The following TPI1 variants were observed in gnomAD, a reference collection of about 807,000 sequenced individuals.
TPI1 encodes the protein triosephosphate isomerase 1.
In TPI1, 11 loss-of-function variants were observed where a neutral mutation model predicts 31.0. That is an observed-to-expected ratio of 0.36 (90% CI 0.22 to 0.59). TPI1 has a LOEUF of 0.59. Among genes scored for constraint, TPI1 ranks in the 20% least tolerant of loss-of-function variants. The pLI is 0.79. For synonymous variants in TPI1, 121 were observed against 122.8 expected, an observed-to-expected ratio of 0.99 and a Z score of 0.10; for missense variants, 245 against 319.7, an observed-to-expected ratio of 0.77 and a Z score of 1.78.
rs782539657 is a variant in TPI1, at chr12:6,868,902, G to C, written c.154G>C (p.Ala52Pro). ...CAPPTAYIDF[A>P]RQKLDPKIAV... ...TCCCCCTACTGCCTATATCGACTTC[G>C]CCCGGCAGAAGCTAGATCCCAAGAT... The change falls in exon 2 of 7, where the codon GCC (alanine) becomes CCC (proline). Residue 52 changes from alanine (A) to proline (P), a missense_variant. Coordinates refer to ENST00000396705, the MANE Select transcript of TPI1 (RefSeq NM_000365.6). 6.2e-7 allele frequency: 1 copy of C among 1,613,916 alleles called. No individual in the cohort carries two copies. Among genetic ancestry groups the C allele is most frequent in the Non-Finnish European group, 8.5e-7 (1 of 1,179,968 alleles).
chr12:6,867,504 AT>A, upstream of TPI1: 1 of 1,577,608 alleles, frequency 6.3e-7, no homozygotes, highest in Non-Finnish European at 8.6e-7. Context: ...GGCGCTCTAT[AT>A]AAGTGGGCAG....
chr12:6,869,586 C>G, intron 4 of TPI1, 102 bp from the exon 5 acceptor site: 1 of 1,475,426 alleles, frequency 6.8e-7, no homozygotes, highest in Non-Finnish European at 9.5e-7. Context: ...CCCCCAATGT[C>G]CACTAGGGGG....
rs781799706 is a variant in TPI1 at position 6,870,404 on chromosome 12, C to G, written c.*21C>G. The G allele has an allele frequency of 2.5e-6, 4 of 1,578,290 alleles. No homozygotes were observed. The African/African-American group carries it at 5.4e-5, about 21-fold the overall frequency. ...AATGAGCCCCATCCATCTTCCCTAC[C>G]CTTCCTGCCAAGCCAGGGACTAAGC... On this transcript the variant is annotated 3_prime_UTR_variant, in exon 7 of 7. Coordinates refer to ENST00000396705, the MANE Select transcript of TPI1 (RefSeq NM_000365.6).
chr12:6,869,252 C>G lies in TPI1; in HGVS notation c.325-6C>G. ...AGGATGTCTCACCAAGTCTGTTTCTCAACAGCTGATTGGGCAGAAAGTGGC... is the reference window on the plus strand; with the variant it reads ...AGGATGTCTCACCAAGTCTGTTTCTGAACAGCTGATTGGGCAGAAAGTGGC... On this transcript the variant is annotated splice_region_variant and splice_polypyrimidine_tract_variant and intron_variant, in intron 3 of 6. Coordinates refer to ENST00000396705, the MANE Select transcript of TPI1 (RefSeq NM_000365.6). The G allele has an allele frequency of 6.2e-7, 1 of 1,614,082 alleles. No individual in the cohort carries two copies. The highest frequency in any genetic ancestry group is 8.5e-7 in the Non-Finnish European group (1 of 1,179,946).
intron 1 of TPI1, among the ~76,000 whole-genome samples, 177 bp downstream of exon 1, chr12:6,867,858 C>G (rs147494826): frequency 6.6e-6 from 1 of 152,090 alleles, no homozygotes; most frequent in Middle Eastern, 3.2e-3. Context: ...GCAGCCCCGT[C>G]GGTGCGTCGA....
chr12:6,868,214 G>T, intron 1 of TPI1: 2 of 1,287,938 alleles, frequency 1.6e-6, no homozygotes, highest in Non-Finnish European at 2.0e-6. Flanking sequence ...GCCTTCCACG[G>T]AAGGGACCGA....
Position 6,870,896 on chromosome 12 carries a change from T to C in TPI1, c.*513T>C. Reference sequence around the variant, plus strand: ...TTCCTTTTTGAGGCAGCTATATAAATGATCATTTGTGCAAGAAAAAAAAAA... The same window carrying C: ...TTCCTTTTTGAGGCAGCTATATAAACGATCATTTGTGCAAGAAAAAAAAAA... On this transcript the variant is annotated 3_prime_UTR_variant, in exon 7 of 7. Transcript: ENST00000396705. 1.6e-6 allele frequency: 1 copy of C among 611,206 alleles called. No homozygotes were observed. 37.9% of individuals were successfully genotyped at this position (611,206 alleles called of 1,614,324 possible). A position where few individuals can be genotyped will look rare whatever the true frequency, so the allele number is the denominator to read the frequency against.
chr12:6,869,720 G>C lies in TPI1; in HGVS notation c.490G>C (p.Ala164Pro). Reference sequence around the variant, plus strand: ...GAAGGACTGGAGCAAGGTCGTCCTGGCCTATGAGCCTGTGTGGGCCATTGG... The same window carrying C: ...GAAGGACTGGAGCAAGGTCGTCCTGCCCTATGAGCCTGTGTGGGCCATTGG... The part of the protein sequence containing the change: ...NVKDWSKVVL[A>P]YEPVWAIGTG... Residue 164 changes from alanine (A) to proline (P), a missense_variant, in exon 5 of 7, where the codon GCC (alanine) becomes CCC (proline). Around this residue, in one of 3 missense-constraint regions of TPI1, gnomAD observed 127 missense variants for 163.7 expected, o/e 0.78. Transcript: ENST00000396705. 2 of 1,614,208 alleles carry C rather than the reference G, an allele frequency of 1.2e-6. No individual in the cohort carries two copies. Among genetic ancestry groups the C allele is most frequent in the Non-Finnish European group, 1.7e-6 (2 of 1,180,044 alleles).
At position 6,867,710 on chromosome 12, in the gene TPI1, C is replaced by CGGGCCG. The variant is rs138787695; in HGVS notation, c.115+46_115+51dup. On this transcript the variant is annotated intron_variant, in intron 1 of 6. Coordinates refer to ENST00000396705, the MANE Select transcript of TPI1 (RefSeq NM_000365.6). ...AGCCCTCGCCGAGGAGGGGTCTGGC[C>CGGGCCG]GGGCCGGGGCCGGGGCCGGGGCAGG... is the stretch of plus-strand genomic sequence containing the variant. 6.2e-3 allele frequency: 9,727 copies of CGGGCCG among 1,575,894 alleles called. 176 individuals are homozygous for CGGGCCG. The highest frequency in any genetic ancestry group is 0.054 in the African/African-American group (3,929 of 72,486).
upstream of TPI1, chr12:6,867,471 G>A (rs1265368923): frequency 7.2e-6 from 11 of 1,528,648 alleles, no homozygotes; most frequent in Admixed American, 2.0e-4. Flanking sequence ...GGAGGACGGC[G>A]AGGAGGCGGA....
chr12:6,869,807 G>C (rs1555132408), intron 5 of TPI1, 34 bp downstream of exon 5: 1 of 1,609,990 alleles, frequency 6.2e-7, no homozygotes, highest in African/African-American at 1.3e-5. Context: ...CCTCATCCCA[G>C]CCTGCCTCAA....
intron 5 of TPI1, 46 bp from the exon 6 acceptor site, chr12:6,870,003 T>C (rs782639875): frequency 1.9e-6 from 3 of 1,603,936 alleles, no homozygotes; most frequent in African/African-American, 2.7e-5. Flanking sequence ...ATTTTTCCTC[T>C]TAGAGAGGCA....
At chr12:6,869,847 G>A (rs1252923383) in intron 5 of TPI1, 74 bp downstream of exon 5, 3 of 1,531,038 alleles carry the variant, frequency 2.0e-6, no homozygotes, top group Non-Finnish European at 2.7e-6. Flanking sequence ...CCCACATGGG[G>A]CAACCCCTTA....
In TPI1 at chr12:6,870,444, G is replaced by A. The variant is rs1555132702; in HGVS notation, c.*61G>A. 2.3e-6 allele frequency: 3 copies of A among 1,283,924 alleles called. No individual in the cohort carries two copies. The highest frequency in any genetic ancestry group is 1.7e-5 in the Admixed American group (1 of 59,602). The allele number at this position is 1,283,924 out of a possible 1,614,324, so 79.5% of individuals were successfully genotyped here. On this transcript the variant is annotated 3_prime_UTR_variant, in exon 7 of 7. Coordinates refer to ENST00000396705, the MANE Select transcript of TPI1 (RefSeq NM_000365.6). ...AGGGACTAAGCAGCCCAGAAGCCCA[G>A]TAACTGCCCTTTCCCTGCATATGCT...
At chr12:6,868,223 G>C in intron 1 of TPI1, 1 of 1,287,810 alleles carries the variant, frequency 7.8e-7, no homozygotes, top group Non-Finnish European at 1.0e-6. Context: ...GGAAGGGACC[G>C]AGCCCGTGCC....
chr12:6,867,927 G>A (rs1163823135), intron 1 of TPI1, among the ~76,000 whole-genome samples: 2 of 152,176 alleles, frequency 1.3e-5, no homozygotes, highest in Admixed American at 6.5e-5. Flanking sequence ...GGACGTTTTG[G>A]GTCTCCTGGA....
chr12:6,868,304 A>G, intron 1 of TPI1: 1 of 1,287,584 alleles, frequency 7.8e-7, no homozygotes, highest in Non-Finnish European at 1.0e-6. Context: ...AGCAAAGCGC[A>G]AGGCCTCTGA....
chr12:6,867,807 G>A (rs1454946249), intron 1 of TPI1, 126 bp downstream of exon 1: 1 of 1,064,856 alleles, frequency 9.4e-7, no homozygotes. Flanking sequence ...GCAGGGCTGT[G>A]GGACGAGGGC....
In TPI1 at chr12:6,867,628, G is replaced by A. The variant is rs369600918; in HGVS notation, c.62G>A (p.Ser21Asn). The A allele has an allele frequency of 6.2e-7, 1 of 1,612,746 alleles. No individual in the cohort carries two copies. Among genetic ancestry groups the A allele is most frequent in the African/African-American group, 1.3e-5 (1 of 74,852 alleles). Residue 21 changes from serine (S) to asparagine (N), a missense_variant, in exon 1 of 7, where the codon AGT becomes AAT. Ser to Asn is a conservative substitution (Grantham distance 46). Coordinates refer to ENST00000396705, the MANE Select transcript of TPI1 (RefSeq NM_000365.6). ...GNWKMNGRKQSLGELIGTLNA... is the reference protein window; with the variant it reads ...GNWKMNGRKQNLGELIGTLNA... The stretch of plus-strand genomic sequence containing the variant: ...TGGAAGATGAACGGGCGGAAGCAGA[G>A]TCTGGGGGAGCTCATCGGCACTCTG...
Sources: gnomAD v4.1 joint callset for allele counts (sites outside exome capture counted in the v4.1 genomes callset) on GRCh38, gnomAD v4.1.1 for gene constraint, gnomAD v4.1.1 regional missense constraint, MANE v1.5 for transcripts, NCBI Gene and HGNC (gene_info 2026-07-23, HGNC 2026-07-21) for gene names.